Variants in ITGA1 observed in about 807,000 individuals in gnomAD.
ITGA1 encodes the protein integrin subunit alpha 1.
A neutral mutation model predicts 145.9 loss-of-function variants in ITGA1; 85 were observed. The observed-to-expected ratio is 0.58, with a 90% CI of 0.49 to 0.70. ITGA1 has a LOEUF of 0.70. ITGA1 is among the 30% of genes least tolerant of loss of function. The pLI is 0.00. For synonymous variants in ITGA1, 520 were observed against 495.3 expected (o/e 1.05, Z -0.66); for missense variants, 1,351 against 1,418.7 (o/e 0.95, Z 0.77).
At chr5:52,934,181 A>ATT (rs1750933300) in intron 23 of ITGA1, among the ~76,000 whole-genome samples, 185 bp downstream of exon 23, 1 of 150,538 alleles carries the variant, frequency 6.6e-6, no homozygotes, top group African/African-American at 2.4e-5. Context: ...TTCAATTTAT[A>ATT]TTTTTCTTTA....
chr5:52,952,307 A>G, intron 28 of ITGA1, 100 bp from the exon 29 acceptor site: 1 of 548,684 alleles, frequency 1.8e-6, no homozygotes. Context: ...TGTGCCCAGC[A>G]TTGCCAATAT....
intron 19 of ITGA1, among the ~76,000 whole-genome samples, 186 bp downstream of exon 19, chr5:52,925,673 T>C (rs1377711224): frequency 1.3e-5 from 2 of 152,374 alleles, no homozygotes; most frequent in Middle Eastern, 3.4e-3. Flanking sequence ...TTTATTCAAA[T>C]ATGTATGTCT....
In ITGA1 at chr5:52,956,934, T is replaced by A. The variant is rs1751314435; in HGVS notation, c.*4483T>A. ...GAATTTCTGAAACCAACACCAGGTA[T>A]TAATTGTTAACTGCAGTGAAAGGAA... On this transcript the variant is annotated 3_prime_UTR_variant, in exon 29 of 29. Coordinates refer to ENST00000282588, the MANE Select transcript of ITGA1 (RefSeq NM_181501.2). The A allele has an allele frequency of 6.6e-6, 1 of 152,152 alleles. No individual in the cohort carries two copies. The highest frequency in any genetic ancestry group is 1.5e-5 in the Non-Finnish European group (1 of 68,040). 9.4% of individuals were successfully genotyped at this position (152,152 alleles called of 1,614,324 possible). A position where few individuals can be genotyped will look rare whatever the true frequency, so the allele number is the denominator to read the frequency against.
At chr5:52,909,560 C>T (rs1402929024) in intron 13 of ITGA1, among the ~76,000 whole-genome samples, 1 of 152,020 alleles carries the variant, frequency 6.6e-6, no homozygotes, top group South Asian at 2.1e-4. Context: ...GAGTGTTTTG[C>T]TCTTTATAGC....
intron 2 of ITGA1, among the ~76,000 whole-genome samples, chr5:52,850,073 G>A (rs1443950793): frequency 1.3e-5 from 2 of 149,900 alleles, no homozygotes; most frequent in African/African-American, 5.0e-5. Context: ...AGCGATCTCA[G>A]CTCACTGCAA....
intron 3 of ITGA1, among the ~76,000 whole-genome samples, chr5:52,862,473 C>T (rs1027630480): frequency 6.6e-6 from 1 of 152,074 alleles, no homozygotes; most frequent in Non-Finnish European, 1.5e-5. Context: ...AAGGAGCATA[C>T]ATAAATTAGA....
At chr5:52,837,763 C>G (rs1489521873) in intron 1 of ITGA1, among the ~76,000 whole-genome samples, 1 of 151,666 alleles carries the variant, frequency 6.6e-6, no homozygotes, top group Non-Finnish European at 1.5e-5. Flanking sequence ...GAGTTTGGAT[C>G]GAAGGATGTT....
chr5:52,876,448 G>GAA (rs2111795724), intron 6 of ITGA1, among the ~76,000 whole-genome samples: 1 of 152,242 alleles, frequency 6.6e-6, no homozygotes, highest in Admixed American at 6.5e-5. Flanking sequence ...TGGTTCCTAA[G>GAA]AAAACAAGCA....
intron 15 of ITGA1, 146 bp from the exon 16 acceptor site, chr5:52,918,586 C>A: frequency 1.6e-6 from 1 of 625,474 alleles, no homozygotes; most frequent in Non-Finnish European, 2.6e-6. Context: ...TCTTCTGTAA[C>A]AATGATTAAT....
chr5:52,821,765 A>G (rs1409873915), intron 1 of ITGA1, among the ~76,000 whole-genome samples: 1 of 152,122 alleles, frequency 6.6e-6, no homozygotes, highest in Non-Finnish European at 1.5e-5. Context: ...TTCTTACTTC[A>G]TTCCACTGTA....
chr5:52,800,105 G>C, intron 1 of ITGA1: 1 of 377,278 alleles, frequency 2.7e-6, no homozygotes, highest in Non-Finnish European at 4.9e-6. Context: ...CATTTCGTCA[G>C]CCCGCTGTTG....
chr5:52,881,592 T>C (rs1015740133), intron 6 of ITGA1, among the ~76,000 whole-genome samples: 1 of 152,224 alleles, frequency 6.6e-6, no homozygotes, highest in African/African-American at 2.4e-5. Flanking sequence ...GTGTTTCATA[T>C]TCTACCCACC....
chr5:52,848,983 G>A (rs1405153738), intron 1 of ITGA1, among the ~76,000 whole-genome samples: 1 of 152,084 alleles, frequency 6.6e-6, no homozygotes, highest in Non-Finnish European at 1.5e-5. Context: ...ATCGTTGATG[G>A]ACATTTGGGT....
In ITGA1 at chr5:52,915,680, T is replaced by C. The variant is rs1750635473; in HGVS notation, c.1988+86T>C. 12 of 1,482,300 alleles carry C rather than the reference T, an allele frequency of 8.1e-6. No individual in the cohort carries two copies. In the Admixed American group the frequency reaches 2.5e-4, roughly 30 times the overall value. The allele number at this position is 1,482,300 out of a possible 1,614,324, so 91.8% of individuals were successfully genotyped here. ...TGATTGGAGCTCATGTCATACCAAA[T>C]ATCTATTTCCTTTTGTGTTCCACTA... On this transcript the variant is annotated intron_variant, in intron 15 of 28. Coordinates refer to ENST00000282588, the MANE Select transcript of ITGA1 (RefSeq NM_181501.2).
At chr5:52,896,356 C>G (rs1408361337) in intron 9 of ITGA1, among the ~76,000 whole-genome samples, 1 of 152,140 alleles carries the variant, frequency 6.6e-6, no homozygotes, top group East Asian at 1.9e-4. Context: ...CACCTGAAAG[C>G]ATTGTGGACT....
intron 2 of ITGA1, among the ~76,000 whole-genome samples, chr5:52,857,621 T>G (rs977346970): frequency 6.6e-6 from 1 of 152,210 alleles, no homozygotes; most frequent in African/African-American, 2.4e-5. Flanking sequence ...GACACTGCTG[T>G]TTTCTGATTC....
Position 52,951,863 on chromosome 5 carries a change from G to A in ITGA1, c.3496-544G>A, listed in dbSNP as rs190627913. 2.9e-3 allele frequency among the ~76,000 whole-genome samples: 439 copies of A among 152,262 alleles called. 10 individuals are homozygous for A. The highest frequency in any genetic ancestry group is 0.028 in the Admixed American group (428 of 15,290). On this transcript the variant is annotated intron_variant, in intron 28 of 28. Coordinates refer to ENST00000282588, the MANE Select transcript of ITGA1 (RefSeq NM_181501.2). ...TCAATGTGTATACTATATTTTACTAGGGGTCATGGTGTATTTAACCAATGA... is the reference window on the plus strand; with the variant it reads ...TCAATGTGTATACTATATTTTACTAAGGGTCATGGTGTATTTAACCAATGA...
intron 8 of ITGA1, among the ~76,000 whole-genome samples, 161 bp downstream of exon 8, chr5:52,888,126 TG>T (rs1750083878): frequency 6.6e-6 from 1 of 152,172 alleles, no homozygotes; most frequent in South Asian, 2.1e-4. Context: ...TTGCTCCCTC[TG>T]GGTCCTTAGT....
At chr5:52,797,110 A>G (rs771244032) in intron 1 of ITGA1, among the ~76,000 whole-genome samples, 13 of 152,094 alleles carry the variant, frequency 8.5e-5, no homozygotes, top group African/African-American at 9.7e-5. Context: ...TGATTGGTCT[A>G]GAAATACTAA....
Sources: gnomAD v4.1 joint callset for allele counts (sites outside exome capture counted in the v4.1 genomes callset) on GRCh38, gnomAD v4.1.1 for gene constraint, MANE v1.5 for transcripts, NCBI Gene and HGNC (gene_info 2026-07-23, HGNC 2026-07-21) for gene names.